GRM1: variants seen among roughly 807,000 people sequenced by gnomAD.
The protein encoded by GRM1 is glutamate metabotropic receptor 1, also known as metabotropic glutamate receptor 1.
A neutral mutation model predicts 90.9 loss-of-function variants in GRM1; 33 were observed. The observed-to-expected ratio is 0.36, with a 90% CI of 0.28 to 0.49. The LOEUF is 0.49. GRM1 is among the 20% of genes least tolerant of loss of function. GRM1 has a pLI of 0.99. For missense variants in GRM1, 1,190 were observed against 1,534.3 expected (o/e 0.78, Z 3.75); for synonymous variants, 700 against 613.2 (o/e 1.14, Z -2.09).
At chr6:146,217,459 A>C (rs1178974992) in intron 2 of GRM1, among the ~76,000 whole-genome samples, 1 of 152,250 alleles carries the variant, frequency 6.6e-6, no homozygotes, top group African/African-American at 2.4e-5. Flanking sequence ...GGGCTGAATT[A>C]ATATTTTAAG....
At chr6:146,076,895 C>A (rs540183493) in intron 1 of GRM1, among the ~76,000 whole-genome samples, 1 of 152,000 alleles carries the variant, frequency 6.6e-6, no homozygotes, top group African/African-American at 2.4e-5. Flanking sequence ...CTGCGTATAC[C>A]CTCCGTGGGA....
intron 2 of GRM1, among the ~76,000 whole-genome samples, chr6:146,234,381 C>T (rs913167754): frequency 4.0e-5 from 6 of 151,684 alleles, no homozygotes; most frequent in African/African-American, 1.2e-4. Context: ...TAGATGCTTT[C>T]CTATTTGTTA....
intron 2 of GRM1, among the ~76,000 whole-genome samples, chr6:146,303,208 TCA>T (rs1479765131): frequency 6.6e-6 from 1 of 152,174 alleles, no homozygotes; most frequent in Non-Finnish European, 1.5e-5. Flanking sequence ...TGAGATATGG[TCA>T]CTAATGTTTG....
chr6:146,181,532 A>G (rs1562513984), intron 2 of GRM1, among the ~76,000 whole-genome samples: 4 of 152,186 alleles, frequency 2.6e-5, no homozygotes, highest in African/African-American at 9.6e-5. Flanking sequence ...TTACTGTTGT[A>G]TTTTGAATAT....
intron 1 of GRM1, among the ~76,000 whole-genome samples, chr6:146,076,001 T>C (rs1283576740): frequency 2.9e-4 from 44 of 152,178 alleles, no homozygotes; most frequent in Non-Finnish European, 2.9e-5. Context: ...CTTCAACATA[T>C]CTTTGTTGAA....
chr6:146,083,207 A>G (rs1029274894), intron 1 of GRM1, among the ~76,000 whole-genome samples: 8 of 152,120 alleles, frequency 5.3e-5, no homozygotes, highest in African/African-American at 1.9e-4. Context: ...CTCTCTTCCT[A>G]TTTGAATACC....
chr6:146,196,590 C>A (rs969719035), intron 2 of GRM1, among the ~76,000 whole-genome samples: 3 of 151,550 alleles, frequency 2.0e-5, no homozygotes, highest in Non-Finnish European at 2.9e-5. Context: ...CAGGCATGAG[C>A]CACCATGCCC....
intron 3 of GRM1, among the ~76,000 whole-genome samples, chr6:146,321,656 T>C (rs796992804): frequency 5.9e-5 from 9 of 152,278 alleles, no homozygotes; most frequent in African/African-American, 2.2e-4. Context: ...TGCTCCTGTA[T>C]TGGGTGCATA....
At chr6:146,297,766 A>G (rs1280964208) in intron 2 of GRM1, among the ~76,000 whole-genome samples, 2 of 152,204 alleles carry the variant, frequency 1.3e-5, no homozygotes, top group African/African-American at 2.4e-5. Flanking sequence ...AAAAAGAACT[A>G]AAAGAGATTC....
intron 1 of GRM1, among the ~76,000 whole-genome samples, chr6:146,110,512 T>A (rs1399972533): frequency 6.6e-6 from 1 of 152,162 alleles, no homozygotes; most frequent in Non-Finnish European, 1.5e-5. Flanking sequence ...TATATCTTTA[T>A]CAGCAGCACG....
chr6:146,413,300 A>G (rs1361207919), intron 7 of GRM1, among the ~76,000 whole-genome samples: 1 of 152,076 alleles, frequency 6.6e-6, no homozygotes, highest in African/African-American at 2.4e-5. Context: ...GACATCCAAA[A>G]TATATTTTTC....
At chr6:146,274,833 A>G (rs1314184295) in intron 2 of GRM1, among the ~76,000 whole-genome samples, 1 of 152,192 alleles carries the variant, frequency 6.6e-6, no homozygotes. Flanking sequence ...GTCAATGTCT[A>G]TGCTAAGAAG....
chr6:146,288,020 T>C (rs527471492), intron 2 of GRM1, among the ~76,000 whole-genome samples: 3 of 152,350 alleles, frequency 2.0e-5, no homozygotes, highest in African/African-American at 7.2e-5. Flanking sequence ...TTTGGCTGCC[T>C]GGAAGTGGGT....
intron 1 of GRM1, among the ~76,000 whole-genome samples, chr6:146,109,974 C>T (rs1775493533): frequency 6.6e-6 from 1 of 152,144 alleles, no homozygotes; most frequent in African/African-American, 2.4e-5. Context: ...GTGCCTGTAC[C>T]CTCATTGTAT....
At chr6:146,414,704 C>T (rs1440256168) in intron 7 of GRM1, among the ~76,000 whole-genome samples, 2 of 152,124 alleles carry the variant, frequency 1.3e-5, no homozygotes, top group Non-Finnish European at 2.9e-5. Context: ...ACCTGGCCTG[C>T]CTTTTATTAT....
chr6:146,143,852 A>G (rs974491919), intron 1 of GRM1, among the ~76,000 whole-genome samples: 2 of 152,214 alleles, frequency 1.3e-5, no homozygotes, highest in African/African-American at 2.4e-5. Flanking sequence ...GCTATAAGAA[A>G]CCTTAGAGAT....
chr6:146,217,046 T>C (rs376114119), intron 2 of GRM1, among the ~76,000 whole-genome samples: 6 of 152,280 alleles, frequency 3.9e-5, no homozygotes, highest in Admixed American at 1.3e-4. Flanking sequence ...TATCACTATG[T>C]TATAAAAAAG....
At chr6:146,140,140 T>TCTTTCTTTCTTC (rs1562488239) in intron 1 of GRM1, among the ~76,000 whole-genome samples, 3 of 141,314 alleles carry the variant, frequency 2.1e-5, no homozygotes, top group African/African-American at 8.0e-5. Context: ...TTTCTTTCTT[T>TCTTTCTTTCTTC]CCTTCCTTCC....
In GRM1 at chr6:146,030,080, C is replaced by A; in HGVS notation, c.563C>A (p.Thr188Lys). ...ATCCCCCAGATCGCTTATTCAGCCA[C>A]AAGCATCGACCTGAGTGACAAAACT... ...FDIPQIAYSA[T>K]SIDLSDKTLY... The change falls in exon 1 of 8, where the codon ACA becomes AAA. Residue 188 changes from threonine to lysine, a missense_variant. This residue lies in a region of GRM1 where 46 missense variants were observed against 116.1 expected (regional missense o/e 0.40). Transcript: ENST00000282753. The A allele has an allele frequency of 6.2e-7, 1 of 1,614,174 alleles. No homozygotes were observed. Among genetic ancestry groups the A allele is most frequent in the Non-Finnish European group, 8.5e-7 (1 of 1,180,010 alleles).
Sources: gnomAD v4.1 joint callset for allele counts (sites outside exome capture counted in the v4.1 genomes callset) on GRCh38, gnomAD v4.1.1 for gene constraint, gnomAD v4.1.1 regional missense constraint, MANE v1.5 for transcripts, NCBI Gene and HGNC (gene_info 2026-07-23, HGNC 2026-07-21) for gene names.